The following NRG1 variants were observed in gnomAD, a reference collection of about 807,000 sequenced individuals.
The protein encoded by NRG1 is neuregulin 1, also known as pro-neuregulin-1, membrane-bound isoform.
In NRG1, 18 loss-of-function variants were observed where a neutral mutation model predicts 63.8. The observed-to-expected ratio is 0.28, with a 90% CI of 0.19 to 0.42. The LOEUF is 0.42. NRG1 is among the 10% of genes least tolerant of loss of function. NRG1 has a pLI of 1.00. For synonymous variants in NRG1, 302 were observed against 301.3 expected (o/e 1.00, Z -0.02); for missense variants, 762 against 814.7 (o/e 0.94, Z 0.79).
At chr8:31,975,529 A>G (rs1808023230) in intron 1 of NRG1, among the ~76,000 whole-genome samples, 1 of 152,198 alleles carries the variant, frequency 6.6e-6, no homozygotes, top group Non-Finnish European at 1.5e-5. Context: ...AACTCATGGG[A>G]GTACTGCATA....
At chr8:32,688,992 T>C (rs1421827738) in intron 5 of NRG1, among the ~76,000 whole-genome samples, 3 of 152,162 alleles carry the variant, frequency 2.0e-5, no homozygotes, top group African/African-American at 4.8e-5. Context: ...AACATGTGCC[T>C]TGTGGCCCAG....
intron 1 of NRG1, among the ~76,000 whole-genome samples, chr8:32,158,409 A>C (rs1347825594): frequency 2.4e-5 from 3 of 127,332 alleles, no homozygotes; most frequent in Non-Finnish European, 3.4e-5. Flanking sequence ...TCCCACCCCC[A>C]AAAATAGAGT....
chr8:32,682,826 A>G (rs1170953390), intron 5 of NRG1, among the ~76,000 whole-genome samples: 1 of 152,200 alleles, frequency 6.6e-6, no homozygotes, highest in Non-Finnish European at 1.5e-5. Flanking sequence ...AGAGTAAGAA[A>G]TATGCATCTT....
intron 1 of NRG1, among the ~76,000 whole-genome samples, chr8:31,830,387 C>CTCCTTCTT (rs1270384998): frequency 8.9e-6 from 1 of 112,668 alleles, no homozygotes. Flanking sequence ...CCCTCCTTCC[C>CTCCTTCTT]TCCTTCTTTC....
intron 1 of NRG1, among the ~76,000 whole-genome samples, chr8:32,571,030 C>T (rs1838479518): frequency 6.6e-6 from 1 of 152,160 alleles, no homozygotes; most frequent in African/African-American, 2.4e-5. Context: ...TAGATGTCCA[C>T]ATGAACTGCG....
At chr8:32,281,121 G>A (rs1852767878) in intron 1 of NRG1, among the ~76,000 whole-genome samples, 1 of 149,900 alleles carries the variant, frequency 6.7e-6, no homozygotes, top group Admixed American at 6.7e-5. Context: ...CTGGGGTTTG[G>A]TGTACAAATT....
intron 1 of NRG1, among the ~76,000 whole-genome samples, chr8:31,927,439 CTTTTTTTTTTTT>C (rs71539998): frequency 2.9e-5 from 2 of 68,034 alleles, no homozygotes; most frequent in Admixed American, 2.3e-4. Context: ...GAGAAAACTA[CTTTTTTTTTTTT>C]TTTTTTTTTT....
At chr8:32,740,115 T>C (rs1825964276) in intron 6 of NRG1, among the ~76,000 whole-genome samples, 1 of 151,862 alleles carries the variant, frequency 6.6e-6, no homozygotes, top group Non-Finnish European at 1.5e-5. Flanking sequence ...TTTTCTTATA[T>C]ACGTTCAGTA....
chr8:31,910,892 C>G (rs1000555554), intron 1 of NRG1, among the ~76,000 whole-genome samples: 4 of 152,138 alleles, frequency 2.6e-5, no homozygotes, highest in African/African-American at 9.7e-5. Context: ...GATTTGAATG[C>G]TGCTGAGAAG....
chr8:31,869,648 T>C lies in NRG1; in HGVS notation c.37+230217T>C, dbSNP rs547085003. On this transcript the variant is annotated intron_variant, in intron 1 of 10. Transcript: ENST00000519301. Reference sequence around the variant, plus strand: ...GGGATTATTCGTGCTCTGTGTTAGATGTGAACTTTTGGTTAGGTACATAGG... The same window carrying C: ...GGGATTATTCGTGCTCTGTGTTAGACGTGAACTTTTGGTTAGGTACATAGG... 5.1e-4 allele frequency among the ~76,000 whole-genome samples: 77 copies of C among 152,358 alleles called. 1 individual carries two copies. Among genetic ancestry groups the C allele is most frequent in the African/African-American group, 1.6e-3 (67 of 41,588 alleles).
intron 1 of NRG1, among the ~76,000 whole-genome samples, chr8:32,091,583 AC>A (rs1177815015): frequency 6.6e-6 from 1 of 152,096 alleles, no homozygotes; most frequent in African/African-American, 2.4e-5. Context: ...TGTTTTTCTC[AC>A]ACTGCTGTAC....
At chr8:31,727,702 C>T (rs942904490) in intron 1 of NRG1, among the ~76,000 whole-genome samples, 2 of 152,124 alleles carry the variant, frequency 1.3e-5, no homozygotes, top group Non-Finnish European at 2.9e-5. Flanking sequence ...AAGAATGCCC[C>T]AGTGAATGCC....
rs560056780 is a variant in NRG1 at position 32,664,026 on chromosome 8, A to G, written c.502+47141A>G. On this transcript the variant is annotated intron_variant, in intron 5 of 11. Transcript: ENST00000356819. ...TGTATTTAAACATCCATCCTACCAC[A>G]TAGGTGTTTGATTCAGTCATGTGTG... 2.2e-3 allele frequency among the ~76,000 whole-genome samples: 334 copies of G among 152,270 alleles called. 2 individuals are homozygous for G. The highest frequency in any genetic ancestry group is 2.9e-3 in the Non-Finnish European group (198 of 68,010).
At chr8:31,854,224 T>A (rs1827586362) in intron 1 of NRG1, among the ~76,000 whole-genome samples, 1 of 151,718 alleles carries the variant, frequency 6.6e-6, no homozygotes, top group Non-Finnish European at 1.5e-5. Context: ...AGAATTCGGC[T>A]GTGAATCCAT....
At chr8:31,833,976 C>G (rs1825423032) in intron 1 of NRG1, among the ~76,000 whole-genome samples, 1 of 152,124 alleles carries the variant, frequency 6.6e-6, no homozygotes. Flanking sequence ...CTATTTGGCT[C>G]AGGTAAAAGT....
intron 1 of NRG1, among the ~76,000 whole-genome samples, chr8:31,692,653 T>G (rs1159415355): frequency 6.6e-6 from 1 of 152,182 alleles, no homozygotes; most frequent in African/African-American, 2.4e-5. Flanking sequence ...TCAGCTGCCT[T>G]GATATGGATA....
At chr8:31,810,400 A>G (rs573770530) in intron 1 of NRG1, among the ~76,000 whole-genome samples, 1 of 152,328 alleles carries the variant, frequency 6.6e-6, no homozygotes, top group East Asian at 1.9e-4. Context: ...CATGACCAAT[A>G]CAGCCATATG....
At chr8:31,761,130 T>G (rs541870931) in intron 1 of NRG1, among the ~76,000 whole-genome samples, 29 of 152,252 alleles carry the variant, frequency 1.9e-4, no homozygotes, top group South Asian at 6.2e-4. Flanking sequence ...CCATAAAAAA[T>G]GATGAGTTCA....
At chr8:32,620,171 T>A (rs1228232755) in intron 5 of NRG1, among the ~76,000 whole-genome samples, 1 of 152,136 alleles carries the variant, frequency 6.6e-6, no homozygotes, top group Admixed American at 6.5e-5. Context: ...TCAAAAATAA[T>A]CAGCTTCAAA....
Sources: gnomAD v4.1 joint callset for allele counts (sites outside exome capture counted in the v4.1 genomes callset) on GRCh38, gnomAD v4.1.1 for gene constraint, MANE v1.5 for transcripts, NCBI Gene and HGNC (gene_info 2026-07-23, HGNC 2026-07-21) for gene names.